Variants in MAP3K5 observed in about 807,000 individuals in gnomAD.
The protein encoded by MAP3K5 is mitogen-activated protein kinase kinase kinase 5, also known as ASK-1.
Under a neutral mutation model 158.7 loss-of-function variants are expected in MAP3K5, and 56 were observed. The ratio of observed to expected loss-of-function variants is 0.35; its 90% CI spans 0.28 to 0.44. MAP3K5 has a LOEUF of 0.44. Ranked by LOEUF, MAP3K5 falls within the 20% of genes least tolerant of loss-of-function variation. MAP3K5 has a pLI of 1.00. For missense variants in MAP3K5, 1,294 were observed against 1,674.8 expected, an observed-to-expected ratio of 0.77 and a Z score of 3.97; for synonymous variants, 579 against 601.7, an observed-to-expected ratio of 0.96 and a Z score of 0.55.
chr6:136,583,547 ATACT>A lies in MAP3K5; in HGVS notation c.3411+4_3411+7del, dbSNP rs764952355. On this transcript the variant is annotated splice_donor_5th_base_variant and intron_variant, in intron 24 of 29. Coordinates refer to ENST00000359015, the MANE Select transcript of MAP3K5 (RefSeq NM_005923.4). ...TGTGGGAAAACACTGGCAAAATATC[ATACT>A]TACAGCATCTTGAAAACCAAAGAGT... is the stretch of plus-strand genomic sequence containing the variant. 6.2e-7 allele frequency: 1 copy of A among 1,607,112 alleles called. No homozygotes were observed. Among genetic ancestry groups the A allele is most frequent in the Admixed American group, 1.7e-5 (1 of 58,562 alleles).
At chr6:136,788,864 C>T (rs2115069412) in intron 1 of MAP3K5, among the ~76,000 whole-genome samples, 1 of 152,346 alleles carries the variant, frequency 6.6e-6, no homozygotes, top group East Asian at 1.9e-4. Context: ...GAACTAAGAG[C>T]TGAACTACCG....
intron 15 of MAP3K5, among the ~76,000 whole-genome samples, chr6:136,619,428 G>T (rs945339712): frequency 6.6e-6 from 1 of 152,210 alleles, no homozygotes; most frequent in African/African-American, 2.4e-5. Context: ...TTTAAAAATA[G>T]ATGTTATTTC....
At chr6:136,656,622 A>G (rs1446774856) in intron 9 of MAP3K5, among the ~76,000 whole-genome samples, 162 bp from the exon 10 acceptor site, 1 of 148,356 alleles carries the variant, frequency 6.7e-6, no homozygotes, top group Non-Finnish European at 1.5e-5. Flanking sequence ...GTGTTTTCAC[A>G]CTTTTTTTTT....
At chr6:136,637,534 A>T in intron 13 of MAP3K5, 128 bp from the exon 14 acceptor site, 1 of 630,068 alleles carries the variant, frequency 1.6e-6, no homozygotes, top group East Asian at 2.7e-5. Flanking sequence ...GCAATAACAC[A>T]CTATCAAGAT....
intron 1 of MAP3K5, among the ~76,000 whole-genome samples, chr6:136,762,633 A>T (rs996190037): frequency 9.2e-5 from 14 of 152,234 alleles, no homozygotes; most frequent in Admixed American, 6.5e-4. Flanking sequence ...TAAAGCACCG[A>T]GGGAAATTAT....
intron 7 of MAP3K5, among the ~76,000 whole-genome samples, chr6:136,685,249 TCAA>T (rs1583414484): frequency 1.3e-5 from 2 of 152,130 alleles, no homozygotes; most frequent in East Asian, 3.9e-4. Context: ...ACCCAGGAGT[TCAA>T]GGCTGCAGTG....
At chr6:136,664,431 C>T (rs1303239134) in intron 8 of MAP3K5, among the ~76,000 whole-genome samples, 2 of 152,066 alleles carry the variant, frequency 1.3e-5, no homozygotes, top group Non-Finnish European at 2.9e-5. Context: ...CCTGAATCAT[C>T]CCTGAACCAC....
At chr6:136,727,067 C>A (rs1432797067) in intron 1 of MAP3K5, among the ~76,000 whole-genome samples, 1 of 152,072 alleles carries the variant, frequency 6.6e-6, no homozygotes. Context: ...AAAACATTAT[C>A]TGTGGCTACT....
At chr6:136,620,095 C>T (rs749750876) in intron 15 of MAP3K5, among the ~76,000 whole-genome samples, 1 of 152,134 alleles carries the variant, frequency 6.6e-6, no homozygotes, top group Non-Finnish European at 1.5e-5. Context: ...CATGGTGAAA[C>T]TCTGTCTCTA....
chr6:136,752,559 G>A (rs912360628), intron 1 of MAP3K5, among the ~76,000 whole-genome samples: 4 of 152,208 alleles, frequency 2.6e-5, no homozygotes, highest in Non-Finnish European at 4.4e-5. Flanking sequence ...TTACAGGCGC[G>A]TGCCACCACA....
At chr6:136,761,623 G>C (rs1375927830) in intron 1 of MAP3K5, among the ~76,000 whole-genome samples, 1 of 152,214 alleles carries the variant, frequency 6.6e-6, no homozygotes, top group Non-Finnish European at 1.5e-5. Context: ...CTCTTTATTA[G>C]AGAAAAGACC....
At chr6:136,769,810 AG>A (rs1368131770) in intron 1 of MAP3K5, among the ~76,000 whole-genome samples, 174 of 26,100 alleles carry the variant, frequency 6.7e-3, no homozygotes, top group East Asian at 7.3e-3. Flanking sequence ...GGAGGGAGGG[AG>A]GGGACGGGAG....
At position 136,572,281 on chromosome 6, in the gene MAP3K5, G is replaced by A. The variant is rs151025669; in HGVS notation, c.3518-4407C>T. On this transcript the variant is annotated intron_variant, in intron 25 of 29. Coordinates refer to ENST00000359015, the MANE Select transcript of MAP3K5 (RefSeq NM_005923.4). ...CTAAACTGATTTTTTTTTTTAAGACGGGGTTTTGCTCTTGTTGCCCAGGCT... is the reference window on the plus strand; with the variant it reads ...CTAAACTGATTTTTTTTTTTAAGACAGGGTTTTGCTCTTGTTGCCCAGGCT... Among the ~76,000 whole-genome samples, 899 of 151,402 alleles carry A rather than the reference G, an allele frequency of 5.9e-3. 8 individuals are homozygous for A. The highest frequency in any genetic ancestry group is 0.021 in the African/African-American group (858 of 41,274).
At chr6:136,582,230 G>C (rs896933638) in intron 24 of MAP3K5, among the ~76,000 whole-genome samples, 3 of 151,980 alleles carry the variant, frequency 2.0e-5, no homozygotes, top group Non-Finnish European at 2.9e-5. Context: ...GAATGAGCAA[G>C]AGCAGGCGTG....
intron 1 of MAP3K5, among the ~76,000 whole-genome samples, chr6:136,789,499 G>A (rs933989286): frequency 2.6e-5 from 4 of 151,884 alleles, no homozygotes; most frequent in Non-Finnish European, 4.4e-5. Context: ...GGGACAGAGT[G>A]GGCGCAGGAA....
chr6:136,598,954 T>C (rs1324385816), intron 21 of MAP3K5, among the ~76,000 whole-genome samples: 1 of 152,130 alleles, frequency 6.6e-6, no homozygotes, highest in Non-Finnish European at 1.5e-5. Context: ...GTAGATCACT[T>C]GAGGCCAGGA....
intron 8 of MAP3K5, among the ~76,000 whole-genome samples, chr6:136,664,786 T>C (rs1772137334): frequency 1.3e-5 from 2 of 152,064 alleles, no homozygotes; most frequent in Non-Finnish European, 2.9e-5. Context: ...CAAAAATTAG[T>C]TGGGCATGGT....
Position 136,698,619 on chromosome 6 carries a change from A to T in MAP3K5, c.676T>A (p.Cys226Ser). Residue 226 changes from cysteine (C) to serine (S), a missense_variant, in exon 4 of 30, where the codon TGT becomes AGT. Physicochemically the swap from Cys to Ser is moderately radical, Grantham distance 112. Coordinates refer to ENST00000359015, the MANE Select transcript of MAP3K5 (RefSeq NM_005923.4). ...AACCCCTTCATGAAGCTGCTGTCACAGCAGTAGACTTTGTTATGTGGAGTT... is the reference window on the plus strand; with the variant it reads ...AACCCCTTCATGAAGCTGCTGTCACTGCAGTAGACTTTGTTATGTGGAGTT... Reference protein sequence around the residue: ...MITPHNKVYCCDSSFMKGLTE... With the variant: ...MITPHNKVYCSDSSFMKGLTE... The T allele has an allele frequency of 6.2e-7, 1 of 1,614,064 alleles. No homozygotes were observed. Among genetic ancestry groups the T allele is most frequent in the South Asian group, 1.1e-5 (1 of 91,086 alleles).
chr6:136,636,125 G>A (rs1475071584), intron 14 of MAP3K5, among the ~76,000 whole-genome samples: 1 of 152,118 alleles, frequency 6.6e-6, no homozygotes, highest in African/African-American at 2.4e-5. Flanking sequence ...AAATTCCTAT[G>A]TTGAAATCAT....
Sources: gnomAD v4.1 joint callset for allele counts (sites outside exome capture counted in the v4.1 genomes callset) on GRCh38, gnomAD v4.1.1 for gene constraint, MANE v1.5 for transcripts, NCBI Gene and HGNC (gene_info 2026-07-23, HGNC 2026-07-21) for gene names.